The following MALRD1 variants were observed in gnomAD, a reference collection of about 807,000 sequenced individuals.
MALRD1 encodes MAM and LDL receptor class A domain containing 1, also known as MAM and LDL-receptor class A domain-containing protein 1.
A neutral mutation model predicts 242.1 loss-of-function variants in MALRD1; 247 were observed. The observed-to-expected ratio is 1.02, with a 90% confidence interval of 0.92 to 1.13. The LOEUF (loss-of-function observed/expected upper bound fraction) is 1.13, where lower values mean the gene tolerates loss of function less well. MALRD1 is among the 50% of genes most tolerant of loss of function. The pLI is 0.00. For missense variants in MALRD1, 2,989 were observed against 2,533.1 expected (o/e 1.18, Z -3.86); for synonymous variants, 995 against 866.6 (o/e 1.15, Z -2.60).
chr10:19,138,470 G>T (rs111665098), intron 10 of MALRD1, among the ~76,000 whole-genome samples: 3,994 of 150,182 alleles, frequency 0.027, 80 homozygotes, highest in Middle Eastern at 0.059. Flanking sequence ...ACCCAGGCTG[G>T]AGTGCAATGG....
chr10:19,319,522 T>A (rs1564558753), intron 21 of MALRD1, among the ~76,000 whole-genome samples: 1 of 152,178 alleles, frequency 6.6e-6, no homozygotes, highest in African/African-American at 2.4e-5. Context: ...TCTGTCTTAA[T>A]GTTTTAGCCC....
intron 12 of MALRD1, among the ~76,000 whole-genome samples, chr10:19,155,570 T>C (rs932557167): frequency 6.6e-6 from 1 of 152,106 alleles, no homozygotes; most frequent in African/African-American, 2.4e-5. Flanking sequence ...TTTAAATGAG[T>C]CCTCTGGTGC....
intron 36 of MALRD1, among the ~76,000 whole-genome samples, chr10:19,627,728 A>T (rs1839717353): frequency 6.8e-6 from 1 of 147,546 alleles, no homozygotes; most frequent in Non-Finnish European, 1.5e-5. Context: ...CCACCACTGC[A>T]CTCCAGCCTG....
intron 17 of MALRD1, among the ~76,000 whole-genome samples, chr10:19,206,638 C>T (rs564815744): frequency 7.9e-5 from 12 of 152,280 alleles, no homozygotes; most frequent in East Asian, 7.7e-4. Context: ...GTTTCTCACA[C>T]GGCTTTCCAT....
chr10:19,232,919 CTTATCT>C (rs763075800), intron 18 of MALRD1, among the ~76,000 whole-genome samples: 1 of 152,140 alleles, frequency 6.6e-6, no homozygotes, highest in Non-Finnish European at 1.5e-5. Flanking sequence ...TTAATAGCAG[CTTATCT>C]TTAACACTTT....
intron 11 of MALRD1, among the ~76,000 whole-genome samples, chr10:19,151,298 G>T (rs1833935920): frequency 6.6e-6 from 1 of 151,828 alleles, no homozygotes; most frequent in Non-Finnish European, 1.5e-5. Context: ...ATTTTCCTAG[G>T]TTTTTGTGTT....
At chr10:19,431,886 T>C (rs1834145446) in intron 28 of MALRD1, among the ~76,000 whole-genome samples, 1 of 152,198 alleles carries the variant, frequency 6.6e-6, no homozygotes, top group Non-Finnish European at 1.5e-5. Flanking sequence ...ACTGACACGT[T>C]GCTTTTGACC....
intron 36 of MALRD1, among the ~76,000 whole-genome samples, chr10:19,680,693 T>G (rs946509343): frequency 3.9e-5 from 6 of 152,148 alleles, no homozygotes; most frequent in African/African-American, 1.4e-4. Flanking sequence ...TGCTAGCTGG[T>G]TCTTTTGCAG....
intron 19 of MALRD1, among the ~76,000 whole-genome samples, chr10:19,268,608 T>A (rs1414324036): frequency 6.6e-6 from 1 of 152,154 alleles, no homozygotes; most frequent in East Asian, 1.9e-4. Flanking sequence ...TAGCTACAGG[T>A]AGATATAAAG....
At chr10:19,717,899 T>C (rs999328443) in intron 38 of MALRD1, among the ~76,000 whole-genome samples, 10 of 151,836 alleles carry the variant, frequency 6.6e-5, no homozygotes, top group South Asian at 2.1e-4. Context: ...CACTTGTAAT[T>C]TCAGCTACTT....
intron 18 of MALRD1, among the ~76,000 whole-genome samples, chr10:19,232,965 T>G (rs1356149170): frequency 6.6e-6 from 1 of 152,218 alleles, no homozygotes; most frequent in Non-Finnish European, 1.5e-5. Context: ...TAATTCTTTC[T>G]GCTAGATCCC....
intron 26 of MALRD1, among the ~76,000 whole-genome samples, chr10:19,363,649 A>G (rs1844991437): frequency 6.6e-6 from 1 of 152,128 alleles, no homozygotes; most frequent in South Asian, 2.1e-4. Flanking sequence ...TGACCAGGAG[A>G]TTGAGAGAAG....
chr10:19,379,060 A>AC (rs1357552927), intron 26 of MALRD1, among the ~76,000 whole-genome samples: 1 of 152,064 alleles, frequency 6.6e-6, no homozygotes, highest in East Asian at 1.9e-4. Flanking sequence ...GATGTATTTC[A>AC]CCAAAGTTGT....
chr10:19,454,405 G>GAGATATATATATATATATATAT (rs1554775338), intron 29 of MALRD1, among the ~76,000 whole-genome samples: 2 of 80,526 alleles, frequency 2.5e-5, no homozygotes, highest in African/African-American at 1.1e-4. Flanking sequence ...TTATGCATAT[G>GAGATATATATATATATATATAT]ATATATATAT....
intron 36 of MALRD1, among the ~76,000 whole-genome samples, chr10:19,656,937 T>C (rs2131722709): frequency 6.6e-6 from 1 of 152,326 alleles, no homozygotes; most frequent in South Asian, 2.1e-4. Flanking sequence ...TTTGTTTTTA[T>C]TTTTAATTTA....
At chr10:19,327,848 C>T (rs1341216172) in intron 23 of MALRD1, among the ~76,000 whole-genome samples, 175 bp downstream of exon 23, 1 of 152,090 alleles carries the variant, frequency 6.6e-6, no homozygotes, top group Non-Finnish European at 1.5e-5. Flanking sequence ...GGATTGACAA[C>T]TTCAGAATGC....
chr10:19,470,237 C>T (rs1332609393), intron 29 of MALRD1, among the ~76,000 whole-genome samples: 1 of 151,954 alleles, frequency 6.6e-6, no homozygotes. Context: ...TAGCTAATAC[C>T]TTCCAGAGTC....
intron 28 of MALRD1, among the ~76,000 whole-genome samples, chr10:19,431,183 AT>A: frequency 6.6e-6 from 1 of 152,156 alleles, no homozygotes; most frequent in Non-Finnish European, 1.5e-5. Context: ...CAGTAAACCA[AT>A]TTTTATCCCA....
intron 12 of MALRD1, among the ~76,000 whole-genome samples, chr10:19,158,953 T>G (rs529387754): frequency 6.6e-6 from 1 of 152,352 alleles, no homozygotes; most frequent in South Asian, 2.1e-4. Flanking sequence ...TTGTGCTCTA[T>G]TCCCTGGTCA....
Sources: allele counts gnomAD v4.1 joint callset (sites outside exome capture counted in the v4.1 genomes callset), GRCh38; gene constraint gnomAD v4.1.1; transcripts MANE v1.5; gene names NCBI Gene and HGNC (gene_info 2026-07-23, HGNC 2026-07-21).